The following RANBP17 variants were observed in gnomAD, a reference collection of about 807,000 sequenced individuals.
RANBP17 encodes RAN binding protein 17.
Under a neutral mutation model 141.2 loss-of-function variants are expected in RANBP17, and 158 were observed. The ratio of observed to expected loss-of-function variants is 1.12; its 90% CI spans 0.98 to 1.28. The LOEUF (loss-of-function observed/expected upper bound fraction) is 1.28. RANBP17 is among the 50% of genes most tolerant of loss of function. RANBP17 has a pLI of 0.00. For missense variants in RANBP17, 1,438 were observed against 1,290.7 expected (o/e 1.11, Z -1.75); for synonymous variants, 430 against 450.0 (o/e 0.96, Z 0.56).
intron 1 of RANBP17, among the ~76,000 whole-genome samples, chr5:170,871,348 C>T (rs564062656): frequency 6.6e-6 from 1 of 152,094 alleles, no homozygotes; most frequent in East Asian, 1.9e-4. Flanking sequence ...CACCTGGCCA[C>T]TACATTTGCC....
At chr5:171,269,436 G>C (rs1766954536) in intron 25 of RANBP17, among the ~76,000 whole-genome samples, 1 of 152,204 alleles carries the variant, frequency 6.6e-6, no homozygotes, top group African/African-American at 2.4e-5. Context: ...AAAGCGGCAG[G>C]CAGGAGTAGT....
intron 13 of RANBP17, among the ~76,000 whole-genome samples, chr5:170,963,284 A>C (rs1776278049): frequency 6.6e-6 from 1 of 152,196 alleles, no homozygotes; most frequent in Admixed American, 6.5e-5. Flanking sequence ...ATCTTTAAAA[A>C]ATAATGTTAG....
intron 25 of RANBP17, among the ~76,000 whole-genome samples, chr5:171,276,793 T>C (rs919881045): frequency 2.6e-5 from 4 of 152,128 alleles, no homozygotes; most frequent in African/African-American, 9.7e-5. Flanking sequence ...AGGCATGCTT[T>C]ATAACAGTCA....
chr5:170,924,603 C>G, intron 12 of RANBP17, 53 bp downstream of exon 12: 1 of 1,146,942 alleles, frequency 8.7e-7, no homozygotes. Context: ...TAAGTAACAT[C>G]ATTAATCACT....
At chr5:171,178,084 A>G (rs1284725756) in intron 16 of RANBP17, among the ~76,000 whole-genome samples, 1 of 151,350 alleles carries the variant, frequency 6.6e-6, no homozygotes, top group Non-Finnish European at 1.5e-5. Context: ...GGTTTGTTAC[A>G]TAGGTATACA....
intron 14 of RANBP17, among the ~76,000 whole-genome samples, chr5:171,095,087 C>T (rs1786587125): frequency 6.6e-6 from 1 of 152,132 alleles, no homozygotes; most frequent in Admixed American, 6.6e-5. Flanking sequence ...ACTTGCCAGC[C>T]TCCAGAACTG....
intron 12 of RANBP17, among the ~76,000 whole-genome samples, chr5:170,946,732 C>G (rs368829369): frequency 7.2e-4 from 109 of 152,188 alleles, no homozygotes; most frequent in African/African-American, 2.5e-3. Context: ...CATGCTGGAA[C>G]AAAGCTTATC....
intron 14 of RANBP17, among the ~76,000 whole-genome samples, chr5:171,158,907 G>A (rs554695131): frequency 6.6e-6 from 1 of 152,256 alleles, no homozygotes; most frequent in South Asian, 2.1e-4. Context: ...CATTATCCAT[G>A]TTGTAAGTTA....
chr5:170,972,211 C>T (rs148001522), intron 14 of RANBP17, among the ~76,000 whole-genome samples: 1,610 of 116,362 alleles, frequency 0.014, 29 homozygotes, highest in African/African-American at 0.051. Flanking sequence ...GGTGGAGTTT[C>T]GCTCTTGCTG....
intron 14 of RANBP17, among the ~76,000 whole-genome samples, chr5:171,001,975 T>C (rs10068599): frequency 0.61 from 92,253 of 151,770 alleles, 29,348 homozygotes; most frequent in South Asian, 0.88. Flanking sequence ...GTCAATTTGC[T>C]GGTCCTGGGC....
intron 14 of RANBP17, among the ~76,000 whole-genome samples, chr5:171,003,081 T>C (rs1779335275): frequency 6.6e-6 from 1 of 152,180 alleles, no homozygotes; most frequent in Admixed American, 6.5e-5. Context: ...TCTGAAAGTA[T>C]TAGGGCAATG....
At chr5:171,245,241 T>C (rs894394238) in intron 24 of RANBP17, among the ~76,000 whole-genome samples, 2 of 152,246 alleles carry the variant, frequency 1.3e-5, no homozygotes, top group African/African-American at 4.8e-5. Context: ...TCATTCTTAA[T>C]ATAACTTGTT....
intron 2 of RANBP17, among the ~76,000 whole-genome samples, chr5:170,880,843 AT>A (rs1768599527): frequency 6.6e-6 from 1 of 152,222 alleles, no homozygotes; most frequent in African/African-American, 2.4e-5. Context: ...AATAAAAGGT[AT>A]GTGTCATGTC....
At chr5:171,185,018 C>T (rs916879986) in intron 18 of RANBP17, among the ~76,000 whole-genome samples, 20 of 152,114 alleles carry the variant, frequency 1.3e-4, no homozygotes, top group South Asian at 2.1e-4. Flanking sequence ...CAAAATTAGC[C>T]AGGCATGGTG....
At chr5:171,047,386 A>G (rs1782660556) in intron 14 of RANBP17, among the ~76,000 whole-genome samples, 1 of 148,958 alleles carries the variant, frequency 6.7e-6, no homozygotes, top group Admixed American at 6.7e-5. Flanking sequence ...AATTGCCTCC[A>G]TATATCCTCT....
At chr5:170,996,584 C>T (rs903552434) in intron 14 of RANBP17, among the ~76,000 whole-genome samples, 3 of 152,104 alleles carry the variant, frequency 2.0e-5, no homozygotes. Context: ...ATGAAGACAG[C>T]ATTCAGACCT....
chr5:171,266,737 C>T lies in RANBP17; in HGVS notation c.2943+890C>T, dbSNP rs187015216. Among the ~76,000 whole-genome samples the T allele has an allele frequency of 3.9e-5, 6 of 152,144 alleles. No homozygotes were observed. The East Asian group carries it at 1.2e-3, about 30-fold the overall frequency. On this transcript the variant is annotated intron_variant, in intron 25 of 27. Transcript: ENST00000523189. ...GACCAGCCTGACCAATATGGTCAAACCCCATCTCTACTAAAAATACAAAAA... is the reference window on the plus strand; with the variant it reads ...GACCAGCCTGACCAATATGGTCAAATCCCATCTCTACTAAAAATACAAAAA...
At chr5:170,899,650 T>G (rs1581094035) in intron 5 of RANBP17, among the ~76,000 whole-genome samples, 1 of 152,182 alleles carries the variant, frequency 6.6e-6, no homozygotes, top group Admixed American at 6.5e-5. Context: ...ATATTGGCTG[T>G]GGGTCTGTCA....
intron 18 of RANBP17, among the ~76,000 whole-genome samples, chr5:171,189,640 T>C (rs924027582): frequency 2.6e-5 from 4 of 152,240 alleles, no homozygotes; most frequent in Non-Finnish European, 5.9e-5. Context: ...ACAAATCAAG[T>C]GGCTGATTAC....
Sources: allele counts gnomAD v4.1 joint callset (sites outside exome capture counted in the v4.1 genomes callset), GRCh38; gene constraint gnomAD v4.1.1; transcripts MANE v1.5; gene names NCBI Gene and HGNC (gene_info 2026-07-23, HGNC 2026-07-21).